TNS3: variants seen among roughly 807,000 people sequenced by gnomAD.
TNS3 encodes the protein tensin-3.
A neutral mutation model predicts 140.9 loss-of-function variants in TNS3; 45 were observed. The observed-to-expected ratio is 0.32, with a 90% CI of 0.25 to 0.41. The LOEUF is 0.41. Among genes scored for constraint, TNS3 ranks in the 10% least tolerant of loss-of-function variants. The pLI, the probability that TNS3 is intolerant of heterozygous loss-of-function variation, is 1.00. For missense variants in TNS3, 1,716 were observed against 1,906.7 expected (o/e 0.90, Z 1.86); for synonymous variants, 815 against 788.4 (o/e 1.03, Z -0.56).
intron 1 of TNS3, among the ~76,000 whole-genome samples, chr7:47,577,070 GACACA>G (rs936395865): frequency 1.3e-5 from 2 of 152,202 alleles, no homozygotes; most frequent in African/African-American, 4.8e-5. Flanking sequence ...TGGCTGCCAA[GACACA>G]ATGAAAGGAG....
chr7:47,281,454 T>TA (rs1411915474), intron 28 of TNS3, among the ~76,000 whole-genome samples: 1 of 152,136 alleles, frequency 6.6e-6, no homozygotes, highest in East Asian at 1.9e-4. Flanking sequence ...CGGCACAGAG[T>TA]AAAGCTCATC....
intron 20 of TNS3, among the ~76,000 whole-genome samples, chr7:47,339,958 T>TAC (rs1350390353): frequency 4.7e-5 from 2 of 42,482 alleles, no homozygotes; most frequent in Non-Finnish European, 8.1e-5. Flanking sequence ...ATAAGTGGCA[T>TAC]ATATATATAT....
At chr7:47,405,801 C>T (rs1203013935) in intron 13 of TNS3, among the ~76,000 whole-genome samples, 1 of 152,158 alleles carries the variant, frequency 6.6e-6, no homozygotes, top group African/African-American at 2.4e-5. Context: ...TAAGAAACAA[C>T]CAGCAACAGC....
chr7:47,555,591 G>A (rs1000226279), intron 1 of TNS3, among the ~76,000 whole-genome samples: 11 of 152,082 alleles, frequency 7.2e-5, no homozygotes, highest in Admixed American at 2.0e-4. Flanking sequence ...CTTTATCATC[G>A]TCTTATTTTA....
At chr7:47,548,165 G>T (rs1022993684) in intron 1 of TNS3, among the ~76,000 whole-genome samples, 3 of 152,190 alleles carry the variant, frequency 2.0e-5, no homozygotes, top group Non-Finnish European at 4.4e-5. Context: ...CTCCCAAAGT[G>T]CTGGGATTAT....
intron 1 of TNS3, among the ~76,000 whole-genome samples, chr7:47,540,789 G>T (rs1799762571): frequency 6.6e-6 from 1 of 152,166 alleles, no homozygotes; most frequent in South Asian, 2.1e-4. Context: ...CCAAAGGCTG[G>T]GTGGCTAATG....
intron 4 of TNS3, among the ~76,000 whole-genome samples, chr7:47,466,039 T>C (rs762831094): frequency 1.5e-4 from 23 of 152,226 alleles, no homozygotes; most frequent in Non-Finnish European, 1.9e-4. Context: ...AAATATCTAA[T>C]TCATGTTCAA....
chr7:47,296,546 T>C (rs1786037357), intron 24 of TNS3, among the ~76,000 whole-genome samples: 1 of 152,242 alleles, frequency 6.6e-6, no homozygotes, highest in South Asian at 2.1e-4. Context: ...CAAAAAGGAT[T>C]CAGGCAGGCA....
At chr7:47,413,016 C>T (rs1214628210) in intron 12 of TNS3, among the ~76,000 whole-genome samples, 1 of 151,918 alleles carries the variant, frequency 6.6e-6, no homozygotes, top group Non-Finnish European at 1.5e-5. Context: ...TGCCATGGCA[C>T]AATCTCGGCT....
At chr7:47,324,071 CTATT>C (rs1787897984) in intron 20 of TNS3, among the ~76,000 whole-genome samples, 1 of 152,228 alleles carries the variant, frequency 6.6e-6, no homozygotes, top group Non-Finnish European at 1.5e-5. Flanking sequence ...AACCTCAGCT[CTATT>C]TATGAGGCAG....
chr7:47,357,263 G>A (rs923172461), intron 17 of TNS3, among the ~76,000 whole-genome samples: 29 of 152,156 alleles, frequency 1.9e-4, no homozygotes, highest in African/African-American at 6.8e-4. Context: ...AATAAAGCGC[G>A]ACATCACACA....
chr7:47,399,314 T>G (rs1793019987), intron 15 of TNS3, among the ~76,000 whole-genome samples: 1 of 151,686 alleles, frequency 6.6e-6, no homozygotes, highest in African/African-American at 2.4e-5. Flanking sequence ...TTCACGAAAT[T>G]GGAAAAAAAA....
chr7:47,489,861 A>G, intron 3 of TNS3, among the ~76,000 whole-genome samples: 1 of 152,206 alleles, frequency 6.6e-6, no homozygotes, highest in East Asian at 1.9e-4. Flanking sequence ...TCTGTCTTAC[A>G]AGACCAGGGC....
intron 3 of TNS3, 53 bp downstream of exon 3, chr7:47,506,854 T>C (rs1798435242): frequency 7.9e-7 from 1 of 1,263,014 alleles, no homozygotes; most frequent in South Asian, 1.3e-5. Context: ...TATCATTCAA[T>C]GAAGGCCAAG....
intron 13 of TNS3, 40 bp downstream of exon 13, chr7:47,411,687 T>C (rs1238962235): frequency 6.3e-7 from 1 of 1,576,360 alleles, no homozygotes; most frequent in Admixed American, 1.8e-5. Flanking sequence ...ACTGGGAGAG[T>C]GGGGACACCA....
At chr7:47,533,806 C>T (rs2151949969) in intron 1 of TNS3, among the ~76,000 whole-genome samples, 1 of 152,208 alleles carries the variant, frequency 6.6e-6, no homozygotes, top group Middle Eastern at 3.4e-3. Context: ...TGCACAAGCT[C>T]TCTCTCTTTG....
rs186787948 is a variant in TNS3, at chr7:47,370,610, G to A, written c.1025-989C>T. On this transcript the variant is annotated intron_variant, in intron 16 of 30. Coordinates refer to ENST00000311160, the MANE Select transcript of TNS3 (RefSeq NM_022748.12). ...AATCTGCTGACTGGCCAATTGCCGC[G>A]ACCACACATAGCAGGTCCTTACCAA... Among the ~76,000 whole-genome samples the A allele has an allele frequency of 5.2e-4, 79 of 152,334 alleles. 1 individual carries two copies. In the East Asian group the frequency reaches 0.015, roughly 29 times the overall value.
At chr7:47,478,292 G>A (rs1408020563) in intron 4 of TNS3, among the ~76,000 whole-genome samples, 7 of 152,148 alleles carry the variant, frequency 4.6e-5, no homozygotes, top group Admixed American at 4.6e-4. Context: ...TAGGTCCCCA[G>A]GCAATGCTGA....
chr7:47,376,755 A>G (rs1437223889), intron 16 of TNS3, among the ~76,000 whole-genome samples: 3 of 151,518 alleles, frequency 2.0e-5, no homozygotes, highest in Admixed American at 2.0e-4. Flanking sequence ...ACACACACAC[A>G]AACTCATATA....
Sources: gnomAD v4.1 joint callset for allele counts (sites outside exome capture counted in the v4.1 genomes callset) on GRCh38, gnomAD v4.1.1 for gene constraint, MANE v1.5 for transcripts, NCBI Gene and HGNC (gene_info 2026-07-23, HGNC 2026-07-21) for gene names.